Variants in CDH23 observed in about 807,000 individuals in gnomAD.
The protein encoded by CDH23 is cadherin related 23, also known as cadherin-23.
A neutral mutation model predicts 317.1 loss-of-function variants in CDH23; 189 were observed. The observed-to-expected ratio is 0.60, with a 90% CI of 0.53 to 0.67. The LOEUF (loss-of-function observed/expected upper bound fraction) is 0.67, where lower values mean the gene tolerates loss of function less well. Ranked by LOEUF, CDH23 falls within the 30% of genes least tolerant of loss-of-function variation. CDH23 has a pLI of 0.00. For synonymous variants in CDH23, 1,839 were observed against 1,876.8 expected (o/e 0.98, Z 0.52); for missense variants, 4,401 against 4,592.4 (o/e 0.96, Z 1.20).
chr10:71,685,401 T>C (rs1199573814), intron 18 of CDH23, among the ~76,000 whole-genome samples: 2 of 152,196 alleles, frequency 1.3e-5, no homozygotes, highest in Non-Finnish European at 2.9e-5. Context: ...GAGCATCTCG[T>C]TGTGCCTCAG....
rs539616281 is a variant in CDH23 at position 71,778,199 on chromosome 10, C to G, written c.5078C>G (p.Thr1693Ser). ...CCCTGTGTCCCCCAGGGTGTCATCA[C>G]TGCTGCCAAAGAGCTGGACTACGAG... ...FRIDRHMGVI[T>S]AAKELDYEIS... is the part of the protein sequence containing the mutation. Residue 1693 changes from threonine (T) to serine (S), a missense_variant, in exon 40 of 70, where the codon ACT becomes AGT. This residue lies in a region of CDH23 where 3,068 missense variants were observed against 3,203.3 expected (regional missense o/e 0.96). Coordinates refer to ENST00000224721, the MANE Select transcript of CDH23 (RefSeq NM_022124.6). The G allele has an allele frequency of 1.1e-5, 18 of 1,613,916 alleles. No homozygotes were observed. The East Asian group carries it at 3.3e-4, about 30-fold the overall frequency.
At chr10:71,432,846 AGAAACGTCTG>A (rs1175661989) in intron 1 of CDH23, among the ~76,000 whole-genome samples, 7 of 152,146 alleles carry the variant, frequency 4.6e-5, no homozygotes, top group African/African-American at 1.7e-4. Context: ...CCATGTCCCT[AGAAACGTCTG>A]GTAGCAGCCC....
chr10:71,659,174 A>AC (rs1219523204), intron 14 of CDH23, among the ~76,000 whole-genome samples: 1 of 151,966 alleles, frequency 6.6e-6, no homozygotes, highest in Non-Finnish European at 1.5e-5. Context: ...AAGACAATGG[A>AC]CCCCCTGGGC....
At position 71,734,784 on chromosome 10, in the gene CDH23, G is replaced by A. The variant is rs151263634; in HGVS notation, c.4209+126G>A. ...AGGCACGTGGACAGGCCTGCAGCAG[G>A]CCCCCTCCCAGTGCCTCCACTCTCA... On this transcript the variant is annotated intron_variant, in intron 34 of 69. Coordinates refer to ENST00000224721, the MANE Select transcript of CDH23 (RefSeq NM_022124.6). 2.5e-3 allele frequency: 1,436 copies of A among 572,236 alleles called. 16 individuals carry two copies. The highest frequency in any genetic ancestry group is 0.024 in the African/African-American group (1,258 of 52,788). The allele number at this position is 572,236 out of a possible 1,614,324, so 35.4% of individuals were successfully genotyped here.
intron 6 of CDH23, among the ~76,000 whole-genome samples, chr10:71,536,254 G>T (rs1325373675): frequency 6.6e-6 from 1 of 152,252 alleles, no homozygotes; most frequent in Non-Finnish European, 1.5e-5. Flanking sequence ...GAACGGTATG[G>T]CTTGATGGAG....
intron 14 of CDH23, among the ~76,000 whole-genome samples, chr10:71,648,256 T>C (rs1160205094): frequency 1.3e-5 from 2 of 152,176 alleles, no homozygotes; most frequent in Non-Finnish European, 2.9e-5. Flanking sequence ...TCCTTCAGCC[T>C]CTCAGTGCCC....
intron 6 of CDH23, among the ~76,000 whole-genome samples, chr10:71,515,378 TCTCTCTCTCTCTCTCTCACACA>T (rs1262377908): frequency 8.5e-6 from 1 of 118,082 alleles, no homozygotes; most frequent in African/African-American, 4.0e-5. Flanking sequence ...TCTCTCTCTC[TCTCTCTCTCTCTCTCTCACACA>T]CACACACACA....
intron 6 of CDH23, among the ~76,000 whole-genome samples, chr10:71,518,655 G>A (rs1167853109): frequency 6.6e-6 from 1 of 152,232 alleles, no homozygotes; most frequent in East Asian, 1.9e-4. Context: ...AGCATTGTTT[G>A]TGAGAAGCAG....
At chr10:71,779,540 C>T in intron 41 of CDH23, 93 bp downstream of exon 41, 10 of 1,096,008 alleles carry the variant, frequency 9.1e-6, no homozygotes, top group Non-Finnish European at 1.3e-5. Context: ...CATTTGGCCT[C>T]ACCATTGTGT....
intron 3 of CDH23, among the ~76,000 whole-genome samples, chr10:71,508,562 T>C (rs977958249): frequency 2.2e-4 from 33 of 152,242 alleles, no homozygotes; most frequent in Admixed American, 1.8e-3. Context: ...ATCATCATGT[T>C]AGAACTGTCC....
intron 2 of CDH23, among the ~76,000 whole-genome samples, chr10:71,444,894 C>T (rs770474716): frequency 6.6e-6 from 1 of 152,212 alleles, no homozygotes; most frequent in South Asian, 2.1e-4. Flanking sequence ...ATGACAGTCC[C>T]ACTTCCAGCT....
At chr10:71,646,750 T>C (rs1267072887) in intron 14 of CDH23, 133 bp downstream of exon 14, 2 of 1,602,378 alleles carry the variant, frequency 1.2e-6, no homozygotes, top group Non-Finnish European at 1.7e-6. Flanking sequence ...GCTGTGTTTG[T>C]TGGTGTATTA....
rs1462769096 is a variant in CDH23, at chr10:71,397,216, C to G, written c.-108C>G. On this transcript the variant is annotated 5_prime_UTR_variant, in exon 1 of 70. Transcript: ENST00000224721. This position sits in a 1 kb window ranked among gnomAD's most constrained non-coding sequence, Gnocchi z 4.8. ...GAGCCTTCGCGCCGGCGGGAAGACG[C>G]GGCGGTGGCCAGGGCCAGAGCAGGC... 1 of 242,136 alleles carries G rather than the reference C, an allele frequency of 4.1e-6. No individual in the cohort carries two copies. The highest frequency in any genetic ancestry group is 1.7e-4 in the East Asian group (1 of 5,870). 15.0% of individuals were successfully genotyped at this position (242,136 alleles called of 1,614,324 possible).
intron 3 of CDH23, among the ~76,000 whole-genome samples, chr10:71,501,907 A>G (rs115091770): frequency 0.024 from 3,724 of 152,258 alleles, 127 homozygotes; most frequent in African/African-American, 0.078. Flanking sequence ...ATGGTGGGAC[A>G]GTTGGAGTGA....
chr10:71,778,510 A>G (rs1564789219), intron 40 of CDH23, among the ~76,000 whole-genome samples: 2 of 152,198 alleles, frequency 1.3e-5, no homozygotes, highest in African/African-American at 4.8e-5. Context: ...GTGTGGCTAC[A>G]TCTGTCAGAC....
chr10:71,489,204 T>C (rs1223591394), intron 3 of CDH23, among the ~76,000 whole-genome samples: 2 of 152,254 alleles, frequency 1.3e-5, no homozygotes, highest in Non-Finnish European at 2.9e-5. Context: ...GGAATCTCAG[T>C]TAAATGTAAG....
intron 11 of CDH23, among the ~76,000 whole-genome samples, chr10:71,626,911 C>T (rs1012541659): frequency 6.6e-6 from 1 of 152,164 alleles, no homozygotes; most frequent in Non-Finnish European, 1.5e-5. Flanking sequence ...GGTTAGAGGG[C>T]CCTTGTCCAG....
rs532238763 is a variant in CDH23, at chr10:71,610,128, C to T, written c.833-5376C>T. On this transcript the variant is annotated intron_variant, in intron 9 of 69. Coordinates refer to ENST00000224721, the MANE Select transcript of CDH23 (RefSeq NM_022124.6). The stretch of plus-strand genomic sequence containing the variant: ...CAAACAATTCTCCTGCTCAGCCTCC[C>T]GAGTAGCTGGAATTATAGGCACCTG... Among the ~76,000 whole-genome samples, 5 of 152,218 alleles carry T rather than the reference C, an allele frequency of 3.3e-5. No individual in the cohort carries two copies. The East Asian group carries it at 7.7e-4, about 24-fold the overall frequency.
intron 6 of CDH23, among the ~76,000 whole-genome samples, chr10:71,557,471 C>T (rs1408654948): frequency 6.6e-6 from 1 of 152,190 alleles, no homozygotes; most frequent in African/African-American, 2.4e-5. Context: ...GAGGGTCACT[C>T]TGAGGAATCT....
Sources: allele counts gnomAD v4.1 joint callset (sites outside exome capture counted in the v4.1 genomes callset), GRCh38; gene constraint gnomAD v4.1.1; regional missense constraint gnomAD v4.1.1; non-coding constraint Gnocchi (gnomAD v3.1); transcripts MANE v1.5; gene names NCBI Gene and HGNC (gene_info 2026-07-23, HGNC 2026-07-21).